Variants in RBFOX3 observed in about 807,000 individuals in gnomAD.
The protein encoded by RBFOX3 is RNA binding fox-1 homolog 3.
RBFOX3 carries 17 observed loss-of-function variants against 48.7 expected under a neutral mutation model. The observed-to-expected ratio is 0.35, with a 90% confidence interval of 0.24 to 0.52. The LOEUF (loss-of-function observed/expected upper bound fraction) is 0.52. Ranked by LOEUF, RBFOX3 falls within the 20% of genes least tolerant of loss-of-function variation. RBFOX3 has a pLI of 0.94. For synonymous variants in RBFOX3, 212 were observed against 209.5 expected (o/e 1.01, Z -0.10); for missense variants, 382 against 497.5 (o/e 0.77, Z 2.21).
intron 1 of RBFOX3, among the ~76,000 whole-genome samples, chr17:79,588,647 C>G (rs1335035995): frequency 1.3e-5 from 2 of 152,210 alleles, no homozygotes; most frequent in South Asian, 4.1e-4. Context: ...CAGCCCTCCC[C>G]CAAGAGACCT....
chr17:79,260,125 T>C (rs2065511917), intron 3 of RBFOX3, among the ~76,000 whole-genome samples: 1 of 151,958 alleles, frequency 6.6e-6, no homozygotes, highest in Non-Finnish European at 1.5e-5. Flanking sequence ...TGAGCACCCC[T>C]GGGCCTGGCC....
chr17:79,296,874 T>C, intron 3 of RBFOX3, among the ~76,000 whole-genome samples: 1 of 100,396 alleles, frequency 1.0e-5, no homozygotes, highest in Non-Finnish European at 1.9e-5. Flanking sequence ...TCCCTTTCCT[T>C]CTCCTCCTCT....
chr17:79,440,350 C>G lies in RBFOX3; in HGVS notation c.-175+42104G>C, dbSNP rs2148996493. Among the ~76,000 whole-genome samples the G allele has an allele frequency of 1.3e-5, 2 of 152,296 alleles. 1 individual carries two copies. The highest frequency in any genetic ancestry group is 1.3e-4 in the Admixed American group (2 of 15,306). On this transcript the variant is annotated intron_variant, in intron 2 of 14. Coordinates refer to ENST00000693108, the MANE Select transcript of RBFOX3 (RefSeq NM_001350451.2). ...TCCTTTAGGGTCACATTTATTGTCC[C>G]CTGTGACTACAGAGGCAGGTACCAT...
intron 2 of RBFOX3, among the ~76,000 whole-genome samples, chr17:79,315,762 C>A (rs1015877435): frequency 1.3e-5 from 2 of 152,238 alleles, no homozygotes; most frequent in Non-Finnish European, 2.9e-5. Context: ...CCCTGGGGGT[C>A]TCTGAGGGCC....
intron 4 of RBFOX3, among the ~76,000 whole-genome samples, chr17:79,116,978 A>AGGGCCTGAGAAGC (rs1422831012): frequency 6.6e-6 from 1 of 152,248 alleles, no homozygotes; most frequent in Non-Finnish European, 1.5e-5. Flanking sequence ...CCACTGACCT[A>AGGGCCTGAGAAGC]GGGCCTGAGA....
rs2077319541 is a variant in RBFOX3 at position 79,473,630 on chromosome 17, C to T, written c.-175+8824G>A. On this transcript the variant is annotated intron_variant, in intron 2 of 14. Coordinates refer to ENST00000693108, the MANE Select transcript of RBFOX3 (RefSeq NM_001350451.2). This position sits in a 1 kb window ranked among gnomAD's most constrained non-coding sequence, Gnocchi z 4.2. ...TCAGGCCCTCCCATAATGTTGACATCCTGATGAACCCCCGCTGGTGACGGC... is the reference window on the plus strand; with the variant it reads ...TCAGGCCCTCCCATAATGTTGACATTCTGATGAACCCCCGCTGGTGACGGC... 1.3e-5 allele frequency among the ~76,000 whole-genome samples: 2 copies of T among 152,308 alleles called. No individual in the cohort carries two copies. Among genetic ancestry groups the T allele is most frequent in the Non-Finnish European group, 2.9e-5 (2 of 68,024 alleles).
At chr17:79,504,780 T>C (rs1425985369) in intron 1 of RBFOX3, among the ~76,000 whole-genome samples, 1 of 152,192 alleles carries the variant, frequency 6.6e-6, no homozygotes, top group African/African-American at 2.4e-5. Flanking sequence ...GCCTTTGACA[T>C]ATAAAGTAAC....
chr17:79,114,336 G>C (rs1020259342), intron 5 of RBFOX3, among the ~76,000 whole-genome samples: 3 of 152,184 alleles, frequency 2.0e-5, no homozygotes, highest in African/African-American at 7.2e-5. Flanking sequence ...CTGGGTATCA[G>C]GATGCTGGGG....
chr17:79,286,593 A>T (rs2071945057), intron 3 of RBFOX3, among the ~76,000 whole-genome samples: 1 of 152,174 alleles, frequency 6.6e-6, no homozygotes. Context: ...ACAGAGCTTA[A>T]TACGCTGCGG....
intron 4 of RBFOX3, among the ~76,000 whole-genome samples, chr17:79,121,224 A>G (rs533270543): frequency 5.9e-5 from 9 of 152,096 alleles, no homozygotes; most frequent in East Asian, 3.9e-4. Context: ...TCACCTGTAC[A>G]CTAGAAACCA....
At chr17:79,359,281 T>C (rs1343586000) in intron 2 of RBFOX3, among the ~76,000 whole-genome samples, 2 of 152,226 alleles carry the variant, frequency 1.3e-5, no homozygotes, top group African/African-American at 2.4e-5. Context: ...ATACAGGATA[T>C]GCAGCTTAAT....
At chr17:79,154,933 G>T (rs2612780) in intron 4 of RBFOX3, among the ~76,000 whole-genome samples, 97,528 of 151,906 alleles carry the variant, frequency 0.64, 31,502 homozygotes, top group Non-Finnish European at 0.65. Context: ...GGGGTCCTGC[G>T]CCTCCCAGGA....
chr17:79,471,925 C>A lies in RBFOX3; in HGVS notation c.-175+10529G>T, dbSNP rs1278153232. 6.6e-6 allele frequency among the ~76,000 whole-genome samples: 1 copy of A among 152,196 alleles called. No homozygotes were observed. The highest frequency in any genetic ancestry group is 1.5e-5 in the Non-Finnish European group (1 of 68,036). ...TTATATCAAATACGCCTCAGGAAAA[C>A]CCTTTATGGAAACCTACTATGTGCA... On this transcript the variant is annotated intron_variant, in intron 2 of 14. Transcript: ENST00000693108. The surrounding 1 kb of genome is among the most constrained non-coding windows in gnomAD (Gnocchi z 4.0).
intron 2 of RBFOX3, among the ~76,000 whole-genome samples, chr17:79,366,942 G>A (rs1248530187): frequency 6.6e-6 from 1 of 152,216 alleles, no homozygotes; most frequent in Non-Finnish European, 1.5e-5. Flanking sequence ...GGGCCCTGGG[G>A]AGGGTCCACA....
Position 79,092,915 on chromosome 17 carries a change from C to A in RBFOX3, c.1077+1536G>T, listed in dbSNP as rs565635746. Among the ~76,000 whole-genome samples, 4 of 152,074 alleles carry A rather than the reference C, an allele frequency of 2.6e-5. No homozygotes were observed. In the East Asian group the frequency reaches 7.8e-4, roughly 30 times the overall value. ...CACAGCTTGAGTTATGTCTGGGTCA[C>A]TTCTCTGGGCTCAGGCCTGGCCTCT... is the stretch of plus-strand genomic sequence containing the variant. On this transcript the variant is annotated intron_variant, in intron 14 of 14. Transcript: ENST00000693108.
At chr17:79,234,499 G>C (rs1003865422) in intron 4 of RBFOX3, 1 of 152,038 alleles carries the variant, frequency 6.6e-6, no homozygotes, top group Non-Finnish European at 1.5e-5. Flanking sequence ...TCTAGTTTCC[G>C]GTCCTGATTT....
intron 3 of RBFOX3, among the ~76,000 whole-genome samples, chr17:79,304,593 G>A (rs942543527): frequency 9.9e-5 from 15 of 151,544 alleles, no homozygotes; most frequent in African/African-American, 2.4e-4. Flanking sequence ...TTACTTCTTC[G>A]TTTTTCTTGT....
intron 2 of RBFOX3, among the ~76,000 whole-genome samples, chr17:79,446,599 G>A (rs2072348037): frequency 6.6e-6 from 1 of 152,202 alleles, no homozygotes; most frequent in African/African-American, 2.4e-5. Flanking sequence ...ACCCAGGAGT[G>A]ACTGCCCATT....
chr17:79,474,974 C>T (rs200884043), intron 2 of RBFOX3, among the ~76,000 whole-genome samples: 23,649 of 152,176 alleles, frequency 0.16, 2,320 homozygotes, highest in Middle Eastern at 0.23. Context: ...CTCTCCTGGC[C>T]CAGCTCTACA....
Sources: allele counts gnomAD v4.1 joint callset (sites outside exome capture counted in the v4.1 genomes callset), GRCh38; gene constraint gnomAD v4.1.1; non-coding constraint Gnocchi (gnomAD v3.1); transcripts MANE v1.5; gene names NCBI Gene and HGNC (gene_info 2026-07-23, HGNC 2026-07-21).